Variants in CRLF3 observed in about 807,000 individuals in gnomAD.
CRLF3 encodes the protein cytokine receptor like factor 3, also known as cytokine receptor-like factor 3.
CRLF3 carries 33 observed loss-of-function variants against 55.0 expected under a neutral mutation model. The ratio of observed to expected loss-of-function variants is 0.60; its 90% CI spans 0.46 to 0.80. CRLF3 has a LOEUF of 0.80. Among genes scored for constraint, CRLF3 ranks in the 30% least tolerant of loss-of-function variants. CRLF3 has a pLI of 0.00. For synonymous variants in CRLF3, 238 were observed against 196.8 expected (o/e 1.21, Z -1.75); for missense variants, 494 against 538.4 (o/e 0.92, Z 0.82).
In CRLF3 at chr17:30,786,063, T is replaced by C. The variant is rs774588982; in HGVS notation, c.960-32A>G. The C allele has an allele frequency of 7.6e-6, 9 of 1,181,912 alleles. No individual in the cohort carries two copies. The East Asian group carries it at 2.1e-4, about 28-fold the overall frequency. The allele number at this position is 1,181,912 out of a possible 1,614,324, so 73.2% of individuals were successfully genotyped here. A position where few individuals can be genotyped will look rare whatever the true frequency, so the allele number is the denominator to read the frequency against. On this transcript the variant is annotated intron_variant, in intron 6 of 7. Transcript: ENST00000324238. ...ATGAAGTAGAAAGGTCATTTCATACTTTTAAAAATATAACATGAATGATAC... is the reference window on the plus strand; with the variant it reads ...ATGAAGTAGAAAGGTCATTTCATACCTTTAAAAATATAACATGAATGATAC...
chr17:30,788,951 C>T (rs1411901091), intron 6 of CRLF3, among the ~76,000 whole-genome samples: 1 of 151,972 alleles, frequency 6.6e-6, no homozygotes, highest in Non-Finnish European at 1.5e-5. Context: ...ACTACTAGGC[C>T]CTTAAGTACC....
chr17:30,805,317 C>T (rs1904362098), intron 1 of CRLF3, among the ~76,000 whole-genome samples: 1 of 152,074 alleles, frequency 6.6e-6, no homozygotes, highest in Non-Finnish European at 1.5e-5. Context: ...ATTATCTATA[C>T]AAAGTTGTTC....
intron 6 of CRLF3, chr17:30,786,276 G>T (rs1971645024): frequency 9.4e-6 from 3 of 318,818 alleles, no homozygotes; most frequent in Non-Finnish European, 1.1e-5. Flanking sequence ...GTCTCGCTCT[G>T]TCACCCAGGC....
At chr17:30,796,418 G>C in intron 3 of CRLF3, 81 bp from the exon 4 acceptor site, 1 of 1,121,296 alleles carries the variant, frequency 8.9e-7, no homozygotes, top group Non-Finnish European at 1.3e-6. Context: ...GCAGTCACAT[G>C]CTTGAAAGAT....
At position 30,784,025 on chromosome 17, in the gene CRLF3, G is replaced by C. The variant is rs3752021; in HGVS notation, c.*162C>G. The C allele has an allele frequency of 0.13, 81,304 of 610,234 alleles. 6,090 individuals are homozygous for C. The highest frequency in any genetic ancestry group is 0.25 in the South Asian group (10,818 of 44,050). The allele number at this position is 610,234 out of a possible 1,614,324, so 37.8% of individuals were successfully genotyped here. ...ATTGTATGATTTTGTCCACAACATTGAAGTCTCTTTTTGCTAAAATATTAC... is the reference window on the plus strand; with the variant it reads ...ATTGTATGATTTTGTCCACAACATTCAAGTCTCTTTTTGCTAAAATATTAC... On this transcript the variant is annotated 3_prime_UTR_variant, in exon 8 of 8. Transcript: ENST00000324238.
chr17:30,784,344 G>C lies in CRLF3; in HGVS notation c.1172C>G (p.Thr391Ser), dbSNP rs1971584061. The change falls in exon 8 of 8, where the codon ACC (threonine) becomes AGC (serine). Residue 391 changes from threonine (T) to serine (S), a missense_variant. By Grantham distance (58) the Thr-to-Ser change is moderately conservative. Transcript: ENST00000324238. ...GTGTCCACCTTCATTATTACTGGTG[G>C]TTCCTAGAGTCACGGCTTCAATGTC... is the stretch of plus-strand genomic sequence containing the variant. ...TFDIEAVTLGTTSNNEGGHFK... is the reference protein window; with the variant it reads ...TFDIEAVTLGSTSNNEGGHFK... 1.2e-6 allele frequency: 2 copies of C among 1,614,068 alleles called. No individual in the cohort carries two copies. Among genetic ancestry groups the C allele is most frequent in the Admixed American group, 1.7e-5 (1 of 60,004 alleles).
chr17:30,800,335 C>G (rs1339398764), intron 2 of CRLF3, among the ~76,000 whole-genome samples: 1 of 152,170 alleles, frequency 6.6e-6, no homozygotes, highest in Non-Finnish European at 1.5e-5. Flanking sequence ...CTGACATCTC[C>G]TGGTATGATC....
chr17:30,822,078 A>G (rs1003844458), intron 1 of CRLF3, among the ~76,000 whole-genome samples: 10 of 151,562 alleles, frequency 6.6e-5, no homozygotes, highest in African/African-American at 2.4e-4. Context: ...AAAAAAAAAA[A>G]AAAGAAAAGA....
At chr17:30,805,377 TAAA>T (rs1316491220) in intron 1 of CRLF3, among the ~76,000 whole-genome samples, 1 of 152,002 alleles carries the variant, frequency 6.6e-6, no homozygotes, top group Non-Finnish European at 1.5e-5. Flanking sequence ...ATGAGGGGAT[TAAA>T]ATTCATTTTA....
intron 7 of CRLF3, 51 bp downstream of exon 7, chr17:30,785,868 A>T: frequency 1.0e-6 from 1 of 961,896 alleles, no homozygotes; most frequent in Non-Finnish European, 1.7e-6. Context: ...TTCACATATT[A>T]CTAAAATAAT....
intron 1 of CRLF3, among the ~76,000 whole-genome samples, chr17:30,819,017 C>T (rs1483572032): frequency 6.6e-6 from 1 of 150,464 alleles, no homozygotes; most frequent in Non-Finnish European, 1.5e-5. Flanking sequence ...CAGAGTTTTG[C>T]CATGTTGAAG....
intron 1 of CRLF3, among the ~76,000 whole-genome samples, chr17:30,810,193 T>A (rs1210057974): frequency 6.6e-6 from 1 of 152,242 alleles, no homozygotes; most frequent in Admixed American, 6.5e-5. Flanking sequence ...GTAATATACA[T>A]TGTTTATGTT....
intron 7 of CRLF3, among the ~76,000 whole-genome samples, chr17:30,785,409 T>C (rs1159270737): frequency 6.6e-6 from 1 of 151,982 alleles, no homozygotes; most frequent in Non-Finnish European, 1.5e-5. Context: ...ACTAGGGATG[T>C]AGACTGAATG....
chr17:30,793,407 A>T, intron 5 of CRLF3, 43 bp downstream of exon 5: 1 of 1,464,384 alleles, frequency 6.8e-7, no homozygotes, highest in Non-Finnish European at 9.6e-7. Flanking sequence ...CAGGTATTCT[A>T]ATATATAGTT....
intron 1 of CRLF3, among the ~76,000 whole-genome samples, chr17:30,804,548 C>T (rs969584442): frequency 4.6e-5 from 7 of 152,140 alleles, no homozygotes; most frequent in Admixed American, 6.6e-5. Flanking sequence ...TGACTTCGAC[C>T]TTTTTAGATT....
intron 7 of CRLF3, 101 bp downstream of exon 7, chr17:30,785,818 T>C (rs947135483): frequency 3.2e-6 from 2 of 623,214 alleles, no homozygotes; most frequent in Non-Finnish European, 5.4e-6. Context: ...ATACCTAAAT[T>C]TTCTCATCTC....
intron 1 of CRLF3, among the ~76,000 whole-genome samples, chr17:30,807,136 G>C (rs753039264): frequency 2.6e-4 from 40 of 151,954 alleles, no homozygotes; most frequent in Non-Finnish European, 5.3e-4. Context: ...CTAACTATAA[G>C]CCACTCCGAT....
At chr17:30,797,520 T>G (rs1971936802) in intron 2 of CRLF3, 122 bp from the exon 3 acceptor site, 3 of 730,726 alleles carry the variant, frequency 4.1e-6, no homozygotes, top group Non-Finnish European at 2.4e-6. Context: ...GATGCCACAG[T>G]CAAATTCCCA....
chr17:30,804,629 G>A (rs2142262865), intron 1 of CRLF3, among the ~76,000 whole-genome samples: 1 of 152,198 alleles, frequency 6.6e-6, no homozygotes, highest in South Asian at 2.1e-4. Context: ...TGTCCTTCAG[G>A]TTCATCCATG....
Sources: gnomAD v4.1 joint callset for allele counts (sites outside exome capture counted in the v4.1 genomes callset) on GRCh38, gnomAD v4.1.1 for gene constraint, MANE v1.5 for transcripts, NCBI Gene and HGNC (gene_info 2026-07-23, HGNC 2026-07-21) for gene names.